RMDN1: variants seen among roughly 807,000 people sequenced by gnomAD.
RMDN1 encodes the protein regulator of microtubule dynamics 1.
In RMDN1, 48 loss-of-function variants were observed where a neutral mutation model predicts 48.9. That is an observed-to-expected ratio of 0.98 (90% CI 0.78 to 1.25). The LOEUF is 1.25. Ranked by LOEUF, RMDN1 falls within the 50% of genes most tolerant of loss-of-function variation. RMDN1 has a pLI of 0.00. For missense variants in RMDN1, 418 were observed against 373.4 expected (o/e 1.12, Z -0.98); for synonymous variants, 148 against 132.6 (o/e 1.12, Z -0.80).
intron 2 of RMDN1, among the ~76,000 whole-genome samples, chr8:86,501,251 AAAGT>A (rs1818167435): frequency 6.6e-6 from 1 of 152,230 alleles, no homozygotes; most frequent in African/African-American, 2.4e-5. Context: ...GATAAAGCCA[AAAGT>A]AATTCTGGTT....
intron 2 of RMDN1, among the ~76,000 whole-genome samples, chr8:86,498,611 T>G (rs1817740402): frequency 2.0e-5 from 3 of 151,716 alleles, no homozygotes; most frequent in Admixed American, 1.3e-4. Context: ...AAACCCCGAC[T>G]CTACAAAAAA....
At chr8:86,484,760 A>C in intron 5 of RMDN1, 112 bp downstream of exon 5, 1 of 550,436 alleles carries the variant, frequency 1.8e-6, no homozygotes, top group Non-Finnish European at 3.2e-6. Flanking sequence ...TCATGGCTCT[A>C]CTCCACTGTT....
downstream of RMDN1, among the ~76,000 whole-genome samples, chr8:86,469,991 C>T (rs906502542): frequency 1.3e-5 from 2 of 152,014 alleles, no homozygotes; most frequent in Non-Finnish European, 2.9e-5. Context: ...TGAGAGAAGC[C>T]ATTTTTACAA....
At chr8:86,503,385 A>AAAAAAAAAAAAAAAAAAAAAAAACAAAAC (rs1554594088) in intron 2 of RMDN1, among the ~76,000 whole-genome samples, 5 of 81,080 alleles carry the variant, frequency 6.2e-5, no homozygotes, top group African/African-American at 2.7e-4. Context: ...AAAAAAAAAA[A>AAAAAAAAAAAAAAAAAAAAAAAACAAAAC]AAAACAAAAA....
chr8:86,491,194 GC>G (rs1354780792), intron 2 of RMDN1, among the ~76,000 whole-genome samples: 9 of 151,786 alleles, frequency 5.9e-5, no homozygotes, highest in Non-Finnish European at 1.0e-4. Context: ...GAGTGCAGCG[GC>G]ACTATGTCGG....
chr8:86,508,665 C>T lies in RMDN1; in HGVS notation c.-45G>A, dbSNP rs68008113. On this transcript the variant is annotated 5_prime_UTR_variant, in exon 1 of 10. Coordinates refer to ENST00000406452, the MANE Select transcript of RMDN1 (RefSeq NM_016033.3). ...GACCCTGCACTACTTCAGGCAGCTA[C>T]GGAGGCGGGCGGGGCTAAAGGAGAT... The T allele has an allele frequency of 4.5e-6, 7 of 1,543,788 alleles. No individual in the cohort carries two copies. In the Admixed American group the frequency reaches 9.6e-5, roughly 21 times the overall value.
rs1340787632 is a variant in RMDN1 at position 86,474,961 on chromosome 8, T to C, written c.761-8A>G. The C allele has an allele frequency of 2.5e-6, 4 of 1,581,710 alleles. No homozygotes were observed. The highest frequency in any genetic ancestry group is 3.4e-6 in the Non-Finnish European group (4 of 1,170,180). ...TGTAGAAGTTTGGATCCACTGCACATAAGAAAGAAAAAATGATCTCAGAGG... is the reference window on the plus strand; with the variant it reads ...TGTAGAAGTTTGGATCCACTGCACACAAGAAAGAAAAAATGATCTCAGAGG... On this transcript the variant is annotated splice_region_variant and splice_polypyrimidine_tract_variant and intron_variant, in intron 8 of 9. Coordinates refer to ENST00000406452, the MANE Select transcript of RMDN1 (RefSeq NM_016033.3).
intron 2 of RMDN1, among the ~76,000 whole-genome samples, chr8:86,492,770 T>C (rs1031835809): frequency 1.3e-5 from 2 of 151,632 alleles, no homozygotes; most frequent in Admixed American, 1.3e-4. Flanking sequence ...GTGATAAATA[T>C]AGATATAACC....
In RMDN1 at chr8:86,474,228, T is replaced by TA; in HGVS notation, c.*79dup. ...AACATTTAAAAAGCCGTAGAACAGT[T>TA]ATAGTTCATATATTAAGTTTAGAAT... On this transcript the variant is annotated 3_prime_UTR_variant, in exon 10 of 10. Coordinates refer to ENST00000406452, the MANE Select transcript of RMDN1 (RefSeq NM_016033.3). 1 of 1,594,906 alleles carries TA rather than the reference T, an allele frequency of 6.3e-7. No homozygotes were observed. Among genetic ancestry groups the TA allele is most frequent in the South Asian group, 1.1e-5 (1 of 87,742 alleles).
chr8:86,507,144 C>G, intron 1 of RMDN1, 32 bp from the exon 2 acceptor site: 3 of 1,423,344 alleles, frequency 2.1e-6, no homozygotes, highest in Non-Finnish European at 3.0e-6. Context: ...GAGTTACAAA[C>G]TTTGAAAATT....
chr8:86,475,792 TTG>T (rs1294213815), intron 8 of RMDN1, among the ~76,000 whole-genome samples: 1 of 152,182 alleles, frequency 6.6e-6, no homozygotes, highest in Non-Finnish European at 1.5e-5. Context: ...TTGAGCAGAT[TTG>T]TGTGATGCCA....
At chr8:86,513,019 T>C (rs1820130076), upstream of RMDN1, among the ~76,000 whole-genome samples, 1 of 151,272 alleles carries the variant, frequency 6.6e-6, no homozygotes, top group Non-Finnish European at 1.5e-5. Context: ...ATTTCTTCTG[T>C]AATTAAAAAA....
downstream of RMDN1, chr8:86,470,277 C>T (rs1812428530): frequency 7.8e-7 from 1 of 1,289,164 alleles, no homozygotes; most frequent in African/African-American, 1.5e-5. Flanking sequence ...CTCTGGAATC[C>T]ACACAAGAAC....
At chr8:86,505,133 TC>T (rs1258912651) in intron 2 of RMDN1, 2 of 1,304,206 alleles carry the variant, frequency 1.5e-6, no homozygotes, top group African/African-American at 3.0e-5. Flanking sequence ...AGAGACCTCA[TC>T]AGGATGAACC....
At chr8:86,476,186 A>G (rs1002594040) in intron 8 of RMDN1, among the ~76,000 whole-genome samples, 1 of 152,224 alleles carries the variant, frequency 6.6e-6, no homozygotes, top group African/African-American at 2.4e-5. Flanking sequence ...TTAAGTCTCT[A>G]AGGTCCTATA....
At chr8:86,497,225 G>A (rs1817516660) in intron 2 of RMDN1, among the ~76,000 whole-genome samples, 1 of 152,122 alleles carries the variant, frequency 6.6e-6, no homozygotes, top group African/African-American at 2.4e-5. Context: ...ATAATATCTA[G>A]AGGAAGCAGA....
intron 2 of RMDN1, among the ~76,000 whole-genome samples, chr8:86,503,390 C>CAACAAAACAAAACA (rs1818712564): frequency 3.5e-5 from 2 of 56,588 alleles, no homozygotes; most frequent in Non-Finnish European, 7.0e-5. Flanking sequence ...AAAAAAAAAA[C>CAACAAAACAAAACA]AAAAAAAAAT....
upstream of RMDN1, among the ~76,000 whole-genome samples, chr8:86,513,654 G>A: frequency 6.6e-6 from 1 of 152,176 alleles, no homozygotes; most frequent in South Asian, 2.1e-4. Context: ...CAAATCTCAT[G>A]TTACTCAATT....
intron 3 of RMDN1, 118 bp from the exon 4 acceptor site, chr8:86,486,761 C>G: frequency 1.6e-6 from 1 of 622,306 alleles, no homozygotes; most frequent in Non-Finnish European, 2.4e-6. Context: ...AACATGATAT[C>G]AAAAGCCATT....
Sources: allele counts gnomAD v4.1 joint callset (sites outside exome capture counted in the v4.1 genomes callset), GRCh38; gene constraint gnomAD v4.1.1; transcripts MANE v1.5; gene names NCBI Gene and HGNC (gene_info 2026-07-23, HGNC 2026-07-21).